Variants in RNF38 observed in about 807,000 individuals in gnomAD.
The protein encoded by RNF38 is ring finger protein 38.
Under a neutral mutation model 67.2 loss-of-function variants are expected in RNF38, and 15 were observed. The ratio of observed to expected loss-of-function variants is 0.22; its 90% CI spans 0.15 to 0.34. The LOEUF is 0.34. Ranked by LOEUF, RNF38 falls within the 10% of genes least tolerant of loss-of-function variation. RNF38 has a pLI of 1.00. For missense variants in RNF38, 524 were observed against 639.9 expected (o/e 0.82, Z 1.95); for synonymous variants, 220 against 218.8 (o/e 1.01, Z -0.05).
At chr9:36,356,789 T>A (rs1439147400) in intron 5 of RNF38, among the ~76,000 whole-genome samples, 2 of 151,974 alleles carry the variant, frequency 1.3e-5, no homozygotes, top group Non-Finnish European at 2.9e-5. Context: ...GAGGAAACTC[T>A]CTCTAGTTGG....
chr9:36,353,095 A>T, intron 7 of RNF38, 75 bp downstream of exon 7: 2 of 1,279,134 alleles, frequency 1.6e-6, no homozygotes, highest in Non-Finnish European at 2.3e-6. Context: ...AATATGGTGA[A>T]TTATACTAAA....
intron 1 of RNF38, among the ~76,000 whole-genome samples, chr9:36,486,572 C>T (rs1340417835): frequency 1.3e-5 from 2 of 152,166 alleles, no homozygotes; most frequent in Non-Finnish European, 2.9e-5. Context: ...GGGCAGGCCT[C>T]CCTCCCAGTA....
chr9:36,431,025 C>T (rs916647657), intron 1 of RNF38, among the ~76,000 whole-genome samples: 1 of 152,134 alleles, frequency 6.6e-6, no homozygotes, highest in Non-Finnish European at 1.5e-5. Context: ...GGCTCAGTCC[C>T]ACAAGACTGC....
At chr9:36,484,959 G>A (rs1371554881) in intron 1 of RNF38, among the ~76,000 whole-genome samples, 1 of 152,194 alleles carries the variant, frequency 6.6e-6, no homozygotes, top group Non-Finnish European at 1.5e-5. Context: ...GAGGTCAGGA[G>A]ATCGAGACCA....
intron 9 of RNF38, among the ~76,000 whole-genome samples, chr9:36,347,645 C>T (rs118015596): frequency 0.019 from 2,887 of 152,306 alleles, 60 homozygotes; most frequent in Admixed American, 0.058. Flanking sequence ...ACTGGCTATT[C>T]GCCCATCTCT....
chr9:36,435,290 T>C (rs1839037416), intron 1 of RNF38, among the ~76,000 whole-genome samples: 1 of 152,196 alleles, frequency 6.6e-6, no homozygotes, highest in Admixed American at 6.5e-5. Context: ...AAAAGAGTGG[T>C]CTTACTCTAA....
chr9:36,380,106 T>C lies in RNF38; in HGVS notation c.163-3979A>G, dbSNP rs555747160. ...GAACAGAATGGAAGTATAAACTCTATTAATGTAAACTCTAAATGTTTATGA... is the reference window on the plus strand; with the variant it reads ...GAACAGAATGGAAGTATAAACTCTACTAATGTAAACTCTAAATGTTTATGA... On this transcript the variant is annotated intron_variant, in intron 2 of 11. Coordinates refer to ENST00000259605, the MANE Select transcript of RNF38 (RefSeq NM_022781.5). 8.5e-5 allele frequency among the ~76,000 whole-genome samples: 13 copies of C among 152,336 alleles called. No individual in the cohort carries two copies. In the South Asian group the frequency reaches 2.7e-3, roughly 32 times the overall value.
At chr9:36,472,398 T>C (rs192643561) in intron 1 of RNF38, among the ~76,000 whole-genome samples, 5 of 152,326 alleles carry the variant, frequency 3.3e-5, no homozygotes, top group Non-Finnish European at 7.3e-5. Context: ...TAGCCCAGGA[T>C]GGCTTTCAAT....
rs781413197 is a variant in RNF38 at position 36,360,035 on chromosome 9, G to A, written c.571-2093C>T. On this transcript the variant is annotated intron_variant, in intron 4 of 11. Coordinates refer to ENST00000259605, the MANE Select transcript of RNF38 (RefSeq NM_022781.5). The stretch of plus-strand genomic sequence containing the variant: ...GTTAGGATTATAGGCGTGAGCCACC[G>A]TGCCTGACCTATATTAAGACTTTTT... Among the ~76,000 whole-genome samples the A allele has an allele frequency of 1.3e-4, 19 of 151,964 alleles. No homozygotes were observed. In the East Asian group the frequency reaches 2.9e-3, roughly 23 times the overall value.
At chr9:36,444,780 A>G (rs960309289) in intron 1 of RNF38, among the ~76,000 whole-genome samples, 12 of 152,184 alleles carry the variant, frequency 7.9e-5, no homozygotes, top group Non-Finnish European at 1.5e-4. Flanking sequence ...AACCTGGGAG[A>G]TAGGAGTGAA....
chr9:36,399,529 T>C (rs2480456), intron 1 of RNF38, among the ~76,000 whole-genome samples: 8,011 of 148,046 alleles, frequency 0.054, 681 homozygotes, highest in African/African-American at 0.18. Context: ...AATAAATATA[T>C]TATAAATATA....
At chr9:36,342,290 C>A in intron 11 of RNF38, 35 bp downstream of exon 11, 1 of 1,420,586 alleles carries the variant, frequency 7.0e-7, no homozygotes, top group Non-Finnish European at 1.0e-6. Flanking sequence ...ATAGAAAATT[C>A]AATGTCATTT....
chr9:36,440,531 C>CA (rs1336727056), intron 1 of RNF38, among the ~76,000 whole-genome samples: 142 of 127,236 alleles, frequency 1.1e-3, no homozygotes, highest in African/African-American at 3.2e-3. Context: ...AACTCCATCT[C>CA]AAAAAAAAAA....
chr9:36,452,398 T>C (rs1457310948), intron 1 of RNF38, among the ~76,000 whole-genome samples: 1 of 150,772 alleles, frequency 6.6e-6, no homozygotes, highest in Non-Finnish European at 1.5e-5. Flanking sequence ...ATTAATTTAC[T>C]TTCCCAATGA....
intron 2 of RNF38, among the ~76,000 whole-genome samples, chr9:36,412,395 C>A (rs1838347709): frequency 6.6e-6 from 1 of 152,200 alleles, no homozygotes; most frequent in African/African-American, 2.4e-5. Context: ...ATCTTCAACA[C>A]CTAATAGAGA....
At chr9:36,400,824 C>A (rs1019061945), upstream of RNF38, 25 of 985,078 alleles carry the variant, frequency 2.5e-5, no homozygotes, top group East Asian at 2.3e-4. Context: ...ATCCTCTCCG[C>A]CCCCACGCCC....
At chr9:36,457,718 G>A (rs910017183) in intron 1 of RNF38, among the ~76,000 whole-genome samples, 1 of 152,018 alleles carries the variant, frequency 6.6e-6, no homozygotes, top group Non-Finnish European at 1.5e-5. Flanking sequence ...GACCAGCCTG[G>A]CTAACATGGT....
intron 2 of RNF38, among the ~76,000 whole-genome samples, chr9:36,388,101 A>G (rs144770961): frequency 6.6e-6 from 1 of 152,316 alleles, no homozygotes; most frequent in East Asian, 1.9e-4. Flanking sequence ...TATAATATCA[A>G]GGGATATTTT....
At chr9:36,391,540 T>C (rs34322533) in intron 1 of RNF38, among the ~76,000 whole-genome samples, 2,933 of 152,258 alleles carry the variant, frequency 0.019, 44 homozygotes, top group Non-Finnish European at 0.032. Context: ...GCCTCATTCA[T>C]TCACTCAATC....
Sources: gnomAD v4.1 joint callset for allele counts (sites outside exome capture counted in the v4.1 genomes callset) on GRCh38, gnomAD v4.1.1 for gene constraint, MANE v1.5 for transcripts, NCBI Gene and HGNC (gene_info 2026-07-23, HGNC 2026-07-21) for gene names.